The following AHI1 variants were observed in gnomAD, a reference collection of about 807,000 sequenced individuals.
AHI1 encodes the protein jouberin.
Under a neutral mutation model 149.3 loss-of-function variants are expected in AHI1, and 123 were observed. That is an observed-to-expected ratio of 0.82 (90% CI 0.71 to 0.96). The LOEUF (loss-of-function observed/expected upper bound fraction) is 0.96, where lower values mean the gene tolerates loss of function less well. Ranked by LOEUF, AHI1 falls within the 40% of genes least tolerant of loss-of-function variation. The pLI is 0.00. For missense variants in AHI1, 1,439 were observed against 1,422.7 expected (o/e 1.01, Z -0.18); for synonymous variants, 475 against 459.8 (o/e 1.03, Z -0.42).
At chr6:135,328,948 A>G (rs1788122821) in intron 24 of AHI1, among the ~76,000 whole-genome samples, 1 of 152,192 alleles carries the variant, frequency 6.6e-6, no homozygotes, top group Non-Finnish European at 1.5e-5. Flanking sequence ...AAGCCACAAC[A>G]TTCTCTTAAG....
chr6:135,288,162 A>G (rs568516323), intron 28 of AHI1, among the ~76,000 whole-genome samples: 10 of 152,136 alleles, frequency 6.6e-5, no homozygotes, highest in African/African-American at 1.9e-4. Context: ...AATCCAATAG[A>G]TCTTTCCTGA....
chr6:135,388,103 A>ATT (rs1326850541), intron 23 of AHI1: 2 of 1,528,020 alleles, frequency 1.3e-6, no homozygotes, highest in Admixed American at 3.6e-5. Context: ...AGTACCATAA[A>ATT]AGACATTTAA....
chr6:135,461,611 T>A (rs938227516), intron 8 of AHI1, among the ~76,000 whole-genome samples: 1 of 152,050 alleles, frequency 6.6e-6, no homozygotes, highest in African/African-American at 2.4e-5. Context: ...GCTTACCAAA[T>A]ACGTGACTGC....
chr6:135,396,798 TAC>T (rs1398691168), intron 22 of AHI1, among the ~76,000 whole-genome samples: 1 of 151,616 alleles, frequency 6.6e-6, no homozygotes, highest in East Asian at 1.9e-4. Flanking sequence ...TATATCTATA[TAC>T]ACACACATCT....
intron 26 of AHI1, among the ~76,000 whole-genome samples, chr6:135,302,968 T>C (rs1025832339): frequency 3.9e-5 from 6 of 152,252 alleles, no homozygotes; most frequent in South Asian, 2.1e-4. Flanking sequence ...ATGGATATCA[T>C]TGATTTAGAG....
At chr6:135,408,704 G>T (rs531623679) in intron 21 of AHI1, among the ~76,000 whole-genome samples, 12 of 152,210 alleles carry the variant, frequency 7.9e-5, no homozygotes, top group African/African-American at 2.9e-4. Flanking sequence ...AAGGAAGCAA[G>T]AAAAGGGATA....
intron 14 of AHI1, among the ~76,000 whole-genome samples, chr6:135,440,897 C>T (rs1315377583): frequency 6.6e-6 from 1 of 152,076 alleles, no homozygotes; most frequent in Non-Finnish European, 1.5e-5. Context: ...ATTATTAAAA[C>T]ATCCAGTTTT....
At chr6:135,438,627 G>A (rs1785782777) in intron 14 of AHI1, 129 bp from the exon 15 acceptor site, 1 of 712,054 alleles carries the variant, frequency 1.4e-6, no homozygotes, top group Non-Finnish European at 1.9e-6. Flanking sequence ...GACATTTGCA[G>A]CACAGAGAAA....
chr6:135,404,017 C>T (rs993303303), intron 22 of AHI1, among the ~76,000 whole-genome samples: 2 of 148,894 alleles, frequency 1.3e-5, no homozygotes, highest in Non-Finnish European at 3.0e-5. Context: ...TAGGTGCCCA[C>T]TGAATTAAAA....
chr6:135,462,659 G>T (rs1178422479), intron 8 of AHI1, among the ~76,000 whole-genome samples: 1 of 152,136 alleles, frequency 6.6e-6, no homozygotes, highest in African/African-American at 2.4e-5. Flanking sequence ...CCAGCATTTT[G>T]GGAGGCTGAG....
chr6:135,491,906 T>C (rs1795305509), intron 4 of AHI1, among the ~76,000 whole-genome samples: 1 of 152,214 alleles, frequency 6.6e-6, no homozygotes. Flanking sequence ...CTAGCCCTTT[T>C]AGAAAAGATT....
At chr6:135,307,862 C>T (rs1439985719) in intron 26 of AHI1, among the ~76,000 whole-genome samples, 2 of 151,992 alleles carry the variant, frequency 1.3e-5, no homozygotes, top group African/African-American at 4.8e-5. Flanking sequence ...TTTTGATTGT[C>T]ACAAGTGGGA....
intron 13 of AHI1, among the ~76,000 whole-genome samples, chr6:135,443,928 T>C (rs550902091): frequency 4.6e-5 from 7 of 152,218 alleles, no homozygotes; most frequent in African/African-American, 1.4e-4. Flanking sequence ...CTGCTGCTCC[T>C]AGAGTAGGAA....
At chr6:135,476,805 T>G (rs972191077) in intron 5 of AHI1, among the ~76,000 whole-genome samples, 3 of 152,194 alleles carry the variant, frequency 2.0e-5, no homozygotes, top group African/African-American at 7.2e-5. Flanking sequence ...TTTTTACTAG[T>G]GTTAGCATGG....
intron 20 of AHI1, among the ~76,000 whole-genome samples, chr6:135,422,020 T>C (rs999103162): frequency 1.3e-5 from 2 of 152,180 alleles, no homozygotes; most frequent in African/African-American, 2.4e-5. Flanking sequence ...ATGAATGCCA[T>C]ATAGAACGTA....
At chr6:135,473,249 A>T (rs1792040574) in intron 5 of AHI1, among the ~76,000 whole-genome samples, 1 of 152,160 alleles carries the variant, frequency 6.6e-6, no homozygotes. Flanking sequence ...GTTAAGAGTC[A>T]ATTGAACATA....
chr6:135,352,394 TA>T (rs1792259505), intron 24 of AHI1, among the ~76,000 whole-genome samples: 1 of 152,096 alleles, frequency 6.6e-6, no homozygotes, highest in Non-Finnish European at 1.5e-5. Context: ...TGTCTTTCTA[TA>T]ATCTTTGGTC....
chr6:135,359,363 A>G (rs1793492002), intron 23 of AHI1, among the ~76,000 whole-genome samples: 1 of 152,220 alleles, frequency 6.6e-6, no homozygotes, highest in African/African-American at 2.4e-5. Context: ...CTAGTAAAAC[A>G]TGGATATCCT....
Position 135,404,964 on chromosome 6 carries a change from G to A in AHI1, c.2975C>T (p.Ser992Phe). The A allele has an allele frequency of 6.2e-7, 1 of 1,608,186 alleles. No homozygotes were observed. The highest frequency in any genetic ancestry group is 1.1e-5 in the South Asian group (1 of 90,902). Residue 992 changes from serine to phenylalanine, a missense_variant, in exon 22 of 29, where the codon TCC (serine) becomes TTC (phenylalanine). Physicochemically the swap from Ser to Phe is radical, Grantham distance 155. Coordinates refer to ENST00000265602, the MANE Select transcript of AHI1 (RefSeq NM_001134831.2). ...AAAACTACTTACTTTTGCAGCACAG[G>A]AACGTATCACCTCCTAAAAGAAATA... is the stretch of plus-strand genomic sequence containing the variant. Reference protein sequence around the residue: ...RLETVTEVIRSCAAKVNKNLS... With the variant: ...RLETVTEVIRFCAAKVNKNLS...
Sources: allele counts gnomAD v4.1 joint callset (sites outside exome capture counted in the v4.1 genomes callset), GRCh38; gene constraint gnomAD v4.1.1; transcripts MANE v1.5; gene names NCBI Gene and HGNC (gene_info 2026-07-23, HGNC 2026-07-21).